The following RTP2 variants were observed in gnomAD, a reference collection of about 807,000 sequenced individuals.
RTP2 encodes the protein receptor transporter protein 2.
A neutral mutation model predicts 17.9 loss-of-function variants in RTP2; 12 were observed. The ratio of observed to expected loss-of-function variants is 0.67; its 90% CI spans 0.43 to 1.09. RTP2 has a LOEUF of 1.09. Among genes scored for constraint, RTP2 ranks in the 50% least tolerant of loss-of-function variants. The pLI, the probability that RTP2 is intolerant of heterozygous loss-of-function variation, is 0.00. For missense variants in RTP2, 327 were observed against 295.7 expected (o/e 1.11, Z -0.78); for synonymous variants, 126 against 117.7 (o/e 1.07, Z -0.46).
rs777771752 is a variant in RTP2 at position 187,698,693 on chromosome 3, G to A, written c.483C>T (p.Gly161=). Residue 161 remains glycine, a synonymous_variant, in exon 2 of 2, where the codon GGC becomes GGT. Transcript: ENST00000358241. ...TCTCGCTGGGCTTCCAGTGAACGATGCCCTCCTGGCAGGCCTCACAGAACT... is the reference window on the plus strand; with the variant it reads ...TCTCGCTGGGCTTCCAGTGAACGATACCCTCCTGGCAGGCCTCACAGAACT... 6 of 1,614,114 alleles carry A rather than the reference G, an allele frequency of 3.7e-6. No homozygotes were observed. In the South Asian group the frequency reaches 6.6e-5, roughly 18 times the overall value.
At chr3:187,711,552 C>G in the RTP2 span, among the ~76,000 whole-genome samples, 2 of 152,274 alleles carry the variant, frequency 1.3e-5, no homozygotes, top group East Asian at 1.9e-4. Context: ...CTGTATGGCA[C>G]CAATCCATTG....
At chr3:187,707,569 A>T in the RTP2 span, among the ~76,000 whole-genome samples, 3 of 152,358 alleles carry the variant, frequency 2.0e-5, no homozygotes, top group African/African-American at 7.2e-5. Flanking sequence ...ACTCCATATC[A>T]TTTAGGACAT....
intron 1 of RTP2, among the ~76,000 whole-genome samples, chr3:187,699,778 CACACATAT>C (rs746688929): frequency 0.098 from 3,458 of 35,186 alleles, 80 homozygotes; most frequent in East Asian, 0.28. Flanking sequence ...CACACACACA[CACACATAT>C]ATTTTCTCTC....
At chr3:187,703,057 G>A (rs371523190), upstream of RTP2, among the ~76,000 whole-genome samples, 9 of 152,250 alleles carry the variant, frequency 5.9e-5, no homozygotes, top group South Asian at 2.1e-4. Flanking sequence ...GAGAGCATCC[G>A]TAGCTCTGTG....
intron 1 of RTP2, among the ~76,000 whole-genome samples, 158 bp from the exon 2 acceptor site, chr3:187,699,169 C>T (rs955610781): frequency 6.6e-6 from 1 of 152,126 alleles, no homozygotes; most frequent in Non-Finnish European, 1.5e-5. Flanking sequence ...GGCCGGCCTG[C>T]TCTCGCCTCC....
At chr3:187,709,392 G>T in the RTP2 span, among the ~76,000 whole-genome samples, 1 of 152,094 alleles carries the variant, frequency 6.6e-6, no homozygotes. Flanking sequence ...AGTACCTTGG[G>T]AATTTATTAA....
At chr3:187,709,071 T>C in the RTP2 span, among the ~76,000 whole-genome samples, 2 of 152,062 alleles carry the variant, frequency 1.3e-5, no homozygotes, top group African/African-American at 4.8e-5. Context: ...ATATTAACTA[T>C]TAAATGAAAG....
exon 1 of RTP2, chr3:187,702,066 T>C (rs1468900918): frequency 6.2e-7 from 1 of 1,613,808 alleles, no homozygotes; most frequent in Admixed American, 1.7e-5. Flanking sequence ...CCGCTGGCTT[T>C]GCCACCTCCA....
upstream of RTP2, among the ~76,000 whole-genome samples, chr3:187,705,915 G>A (rs1443946434): frequency 1.3e-5 from 2 of 152,104 alleles, no homozygotes; most frequent in Non-Finnish European, 2.9e-5. Context: ...TTGTTCAAGT[G>A]CATAAAATTG....
At chr3:187,708,793 A>G in the RTP2 span, among the ~76,000 whole-genome samples, 2 of 152,188 alleles carry the variant, frequency 1.3e-5, no homozygotes, top group African/African-American at 2.4e-5. Context: ...GGTGGATACT[A>G]TAATTATTTT....
At chr3:187,710,462 G>C in the RTP2 span, among the ~76,000 whole-genome samples, 2 of 146,604 alleles carry the variant, frequency 1.4e-5, no homozygotes, top group Admixed American at 1.3e-4. Context: ...CTATCTTATT[G>C]GTTCTGTTTC....
the RTP2 span, among the ~76,000 whole-genome samples, chr3:187,711,414 C>G: frequency 0.22 from 34,211 of 152,102 alleles, 4,019 homozygotes; most frequent in African/African-American, 0.28. Flanking sequence ...AAACTCTCAG[C>G]TTTCCTTGTT....
chr3:187,711,980 G>A, the RTP2 span, among the ~76,000 whole-genome samples: 7 of 152,332 alleles, frequency 4.6e-5, no homozygotes, highest in East Asian at 1.3e-3. Context: ...AGAGGTTAGA[G>A]ATGAAGGGAG....
chr3:187,702,696 A>C (rs1717885251), upstream of RTP2: 2 of 395,972 alleles, frequency 5.1e-6, no homozygotes, highest in Admixed American at 5.7e-5. Context: ...TCAGATCAGG[A>C]AACTGAAGTT....
At chr3:187,713,880 G>A in the RTP2 span, among the ~76,000 whole-genome samples, 14 of 152,220 alleles carry the variant, frequency 9.2e-5, no homozygotes, top group Non-Finnish European at 1.5e-4. Context: ...TAGGAAACCA[G>A]TGCAAATTGG....
chr3:187,702,361 G>A, exon 1 of RTP2: 1 of 561,068 alleles, frequency 1.8e-6, no homozygotes. Context: ...GGAGTTTCAG[G>A]GCCCTGAGTT....
the RTP2 span, among the ~76,000 whole-genome samples, chr3:187,707,800 G>T: frequency 6.6e-6 from 1 of 152,176 alleles, no homozygotes; most frequent in Admixed American, 6.5e-5. Flanking sequence ...ATTGGCTGAT[G>T]TCTAAAAATG....
At chr3:187,703,469 A>G (rs1162297930), upstream of RTP2, among the ~76,000 whole-genome samples, 1 of 152,236 alleles carries the variant, frequency 6.6e-6, no homozygotes, top group East Asian at 1.9e-4. Flanking sequence ...TCTTTGAACC[A>G]TTGACTGACA....
At chr3:187,709,407 CTG>C in the RTP2 span, among the ~76,000 whole-genome samples, 1 of 152,142 alleles carries the variant, frequency 6.6e-6, no homozygotes, top group Non-Finnish European at 1.5e-5. Flanking sequence ...TATTAAAATA[CTG>C]TCTCTGGCGG....
Sources: allele counts gnomAD v4.1 joint callset (sites outside exome capture counted in the v4.1 genomes callset), GRCh38; gene constraint gnomAD v4.1.1; transcripts MANE v1.5; gene names NCBI Gene and HGNC (gene_info 2026-07-23, HGNC 2026-07-21).